GALNT17: variants seen among roughly 807,000 people sequenced by gnomAD.
GALNT17 encodes the protein polypeptide N-acetylgalactosaminyltransferase 17.
In GALNT17, 29 loss-of-function variants were observed where a neutral mutation model predicts 63.7. That is an observed-to-expected ratio of 0.46 (90% CI 0.34 to 0.62). The LOEUF (loss-of-function observed/expected upper bound fraction) is 0.62. GALNT17 is among the 20% of genes least tolerant of loss of function. The probability of loss-of-function intolerance (pLI) is 0.01; values close to 1 mark genes in which losing one functional copy is unlikely to be tolerated. For missense variants in GALNT17, 603 were observed against 799.6 expected (o/e 0.75, Z 2.97); for synonymous variants, 305 against 318.3 (o/e 0.96, Z 0.45).
chr7:71,265,086 A>G (rs1472556508), intron 1 of GALNT17, among the ~76,000 whole-genome samples: 1 of 125,808 alleles, frequency 7.9e-6, no homozygotes, highest in East Asian at 2.2e-4. Context: ...TACCACACGT[A>G]ACCCATAAAT....
chr7:71,270,964 GA>G (rs3839729), intron 1 of GALNT17, among the ~76,000 whole-genome samples: 3 of 149,496 alleles, frequency 2.0e-5, no homozygotes, highest in Admixed American at 1.3e-4. Flanking sequence ...GAAAAGAAAA[GA>G]AAAAAAAAGA....
At chr7:71,166,870 G>T (rs1290657795) in intron 1 of GALNT17, among the ~76,000 whole-genome samples, 20 of 151,818 alleles carry the variant, frequency 1.3e-4, no homozygotes, top group Admixed American at 1.3e-3. Flanking sequence ...GGAATGGCTA[G>T]ATCTTTTAGT....
chr7:71,509,647 T>G (rs973453340), intron 5 of GALNT17, among the ~76,000 whole-genome samples: 2 of 152,220 alleles, frequency 1.3e-5, no homozygotes, highest in African/African-American at 4.8e-5. Context: ...GTATCTTTTT[T>G]GGGATGCTCC....
intron 1 of GALNT17, among the ~76,000 whole-genome samples, chr7:71,294,171 A>AAG: frequency 6.6e-6 from 1 of 151,534 alleles, no homozygotes; most frequent in East Asian, 2.0e-4. Flanking sequence ...CAAAAAAAAA[A>AAG]AAAATTCTTT....
At chr7:71,532,611 A>T (rs756527229) in intron 5 of GALNT17, among the ~76,000 whole-genome samples, 6 of 152,064 alleles carry the variant, frequency 3.9e-5, no homozygotes, top group Non-Finnish European at 8.8e-5. Context: ...GCATATGGGG[A>T]CTTCCTCCCT....
chr7:71,269,966 G>C (rs1287812544), intron 1 of GALNT17, among the ~76,000 whole-genome samples: 1 of 152,118 alleles, frequency 6.6e-6, no homozygotes, highest in Non-Finnish European at 1.5e-5. Flanking sequence ...TGATTTACAG[G>C]CTTTAGGAAA....
At chr7:71,292,662 AGAGAGAGTGTGT>A (rs1562976044) in intron 1 of GALNT17, among the ~76,000 whole-genome samples, 1 of 117,712 alleles carries the variant, frequency 8.5e-6, no homozygotes, top group African/African-American at 3.9e-5. Flanking sequence ...ACAGAGAGAG[AGAGAGAGTGTGT>A]GTGTGTGTGT....
intron 1 of GALNT17, among the ~76,000 whole-genome samples, chr7:71,223,048 G>C (rs1789615867): frequency 6.6e-6 from 1 of 152,134 alleles, no homozygotes; most frequent in South Asian, 2.1e-4. Flanking sequence ...ACTCCAGCCT[G>C]GGCAACAGGG....
rs572186320 is a variant in GALNT17, at chr7:71,668,331, A to G, written c.1267-1641A>G. On this transcript the variant is annotated intron_variant, in intron 7 of 10. Transcript: ENST00000333538. ...TGGGAGTTCGAGACCAGCCTGACCAACATGGAGAAACCCTGTCTCCACTAA... is the reference window on the plus strand; with the variant it reads ...TGGGAGTTCGAGACCAGCCTGACCAGCATGGAGAAACCCTGTCTCCACTAA... 1.1e-3 allele frequency among the ~76,000 whole-genome samples: 170 copies of G among 152,044 alleles called. 2 individuals carry two copies. Among genetic ancestry groups the G allele is most frequent in the African/African-American group, 3.9e-3 (161 of 41,494 alleles).
At chr7:71,168,473 G>C (rs1257599667) in intron 1 of GALNT17, among the ~76,000 whole-genome samples, 2 of 152,074 alleles carry the variant, frequency 1.3e-5, no homozygotes, top group Non-Finnish European at 2.9e-5. Context: ...TCAGGAGGCT[G>C]AGGCAGGAGA....
At chr7:71,194,343 G>C (rs535199621) in intron 1 of GALNT17, among the ~76,000 whole-genome samples, 2 of 152,242 alleles carry the variant, frequency 1.3e-5, no homozygotes, top group African/African-American at 4.8e-5. Flanking sequence ...TTAATGTCTT[G>C]GTTTGTCACC....
intron 5 of GALNT17, among the ~76,000 whole-genome samples, chr7:71,555,681 C>A (rs577948574): frequency 6.7e-6 from 1 of 150,272 alleles, no homozygotes; most frequent in Non-Finnish European, 1.5e-5. Context: ...GGATGTAGAC[C>A]CATCATCAAA....
At chr7:71,190,390 C>T (rs555526146) in intron 1 of GALNT17, among the ~76,000 whole-genome samples, 22 of 152,128 alleles carry the variant, frequency 1.4e-4, no homozygotes, top group African/African-American at 5.1e-4. Flanking sequence ...TGGCACCTCC[C>T]CCACTGTCTC....
At chr7:71,345,954 A>C (rs192916377) in intron 2 of GALNT17, among the ~76,000 whole-genome samples, 3 of 151,522 alleles carry the variant, frequency 2.0e-5, no homozygotes, top group Admixed American at 2.0e-4. Flanking sequence ...AGGCTGAGGC[A>C]GGAAGATCTC....
chr7:71,217,968 A>G (rs1450110249), intron 1 of GALNT17, among the ~76,000 whole-genome samples: 12 of 152,272 alleles, frequency 7.9e-5, no homozygotes, highest in African/African-American at 2.6e-4. Context: ...AGAGTAAAGC[A>G]ATAGCCCATC....
chr7:71,514,188 C>G (rs1440675785), intron 5 of GALNT17, among the ~76,000 whole-genome samples: 1 of 152,158 alleles, frequency 6.6e-6, no homozygotes, highest in African/African-American at 2.4e-5. Context: ...GAGCAAGACC[C>G]TATCTCAAAA....
intron 1 of GALNT17, among the ~76,000 whole-genome samples, chr7:71,176,583 A>C (rs534102250): frequency 1.3e-5 from 2 of 152,116 alleles, no homozygotes; most frequent in Non-Finnish European, 2.9e-5. Context: ...CTGCATCAGG[A>C]TGGGTTCATG....
intron 5 of GALNT17, among the ~76,000 whole-genome samples, chr7:71,472,474 G>C (rs1312431836): frequency 1.3e-5 from 2 of 152,046 alleles, no homozygotes; most frequent in African/African-American, 2.4e-5. Flanking sequence ...TGATCAAATG[G>C]TCAAGAGGTC....
At chr7:71,278,341 T>C (rs377138967) in intron 1 of GALNT17, among the ~76,000 whole-genome samples, 16 of 152,306 alleles carry the variant, frequency 1.1e-4, no homozygotes, top group African/African-American at 3.8e-4. Flanking sequence ...AGCCTAGAAG[T>C]CTGAAACAAA....
Sources: allele counts gnomAD v4.1 joint callset (sites outside exome capture counted in the v4.1 genomes callset), GRCh38; gene constraint gnomAD v4.1.1; transcripts MANE v1.5; gene names NCBI Gene and HGNC (gene_info 2026-07-23, HGNC 2026-07-21).